PRMT9: variants seen among roughly 807,000 people sequenced by gnomAD.
PRMT9 encodes the protein protein arginine N-methyltransferase 9.
Under a neutral mutation model 83.2 loss-of-function variants are expected in PRMT9, and 59 were observed. That is an observed-to-expected ratio of 0.71 (90% CI 0.57 to 0.88). The LOEUF (loss-of-function observed/expected upper bound fraction) is 0.88, where lower values mean the gene tolerates loss of function less well. Ranked by LOEUF, PRMT9 falls within the 40% of genes least tolerant of loss-of-function variation. PRMT9 has a pLI of 0.00. For synonymous variants in PRMT9, 333 were observed against 353.2 expected (o/e 0.94, Z 0.64); for missense variants, 947 against 1,021.9 (o/e 0.93, Z 1.00).
chr4:147,676,242 C>A (rs1736061731), intron 2 of PRMT9, among the ~76,000 whole-genome samples: 1 of 152,118 alleles, frequency 6.6e-6, no homozygotes, highest in Non-Finnish European at 1.5e-5. Context: ...ATGTAGAGTT[C>A]CACTTTTCTG....
intron 10 of PRMT9, among the ~76,000 whole-genome samples, chr4:147,639,995 C>G (rs1252181709): frequency 6.6e-6 from 1 of 150,802 alleles, no homozygotes; most frequent in African/African-American, 2.4e-5. Context: ...AATCCCCACA[C>G]TGCTGAACCC....
chr4:147,668,430 G>A, intron 6 of PRMT9, 109 bp downstream of exon 6: 1 of 732,638 alleles, frequency 1.4e-6, no homozygotes, highest in African/African-American at 1.7e-5. Flanking sequence ...AGTTTCCTGA[G>A]GCCTCCTCAG....
At chr4:147,651,040 T>A (rs571254644) in intron 9 of PRMT9, among the ~76,000 whole-genome samples, 2 of 152,126 alleles carry the variant, frequency 1.3e-5, no homozygotes, top group African/African-American at 4.8e-5. Context: ...GAGGTGGAGC[T>A]TGCAGTGAGG....
intron 2 of PRMT9, among the ~76,000 whole-genome samples, chr4:147,676,076 G>A (rs567889633): frequency 4.2e-4 from 64 of 152,248 alleles, no homozygotes; most frequent in African/African-American, 1.4e-3. Context: ...ACACTATCCC[G>A]AATTCTGAAC....
At chr4:147,681,597 G>A (rs1736473754) in intron 1 of PRMT9, among the ~76,000 whole-genome samples, 1 of 152,006 alleles carries the variant, frequency 6.6e-6, no homozygotes, top group South Asian at 2.1e-4. Context: ...GACCAGCATG[G>A]CCAACACGGT....
At chr4:147,664,352 A>G (rs1009957128) in intron 6 of PRMT9, among the ~76,000 whole-genome samples, 3 of 152,236 alleles carry the variant, frequency 2.0e-5, no homozygotes, top group African/African-American at 7.2e-5. Context: ...GTTTCAATTT[A>G]GCTGTCCTGT....
At position 147,642,374 on chromosome 4, in the gene PRMT9, GATTGCAGGCACGCAC is replaced by G. The variant is rs559707299; in HGVS notation, c.2199+398_2199+412del. 8.5e-3 allele frequency among the ~76,000 whole-genome samples: 1,290 copies of G among 152,174 alleles called. 20 individuals are homozygous for G. The highest frequency in any genetic ancestry group is 0.029 in the African/African-American group (1,197 of 41,518). On this transcript the variant is annotated intron_variant, in intron 10 of 11. Coordinates refer to ENST00000322396, the MANE Select transcript of PRMT9 (RefSeq NM_138364.4). ...CCACCTCAGTTTCCAGAGGAGCTGG[GATTGCAGGCACGCAC>G]CACCACACCTGGCTAATTTTTTTGT...
chr4:147,673,223 T>G, intron 3 of PRMT9, 97 bp from the exon 4 acceptor site: 1 of 1,092,566 alleles, frequency 9.2e-7, no homozygotes, highest in African/African-American at 1.6e-5. Flanking sequence ...GGTTTTTCCT[T>G]TTATTCTTTA....
chr4:147,679,468 C>G lies in PRMT9; in HGVS notation c.338+855G>C, dbSNP rs375449825. On this transcript the variant is annotated intron_variant, in intron 2 of 11. Transcript: ENST00000322396. ...CTCAAAAAAAAAAAAGTGCTGGAGGCCAGGCGCAGTGGCTCACACCTGTAA... is the reference window on the plus strand; with the variant it reads ...CTCAAAAAAAAAAAAGTGCTGGAGGGCAGGCGCAGTGGCTCACACCTGTAA... 7.9e-5 allele frequency among the ~76,000 whole-genome samples: 12 copies of G among 151,094 alleles called. No homozygotes were observed. The East Asian group carries it at 1.5e-3, about 20-fold the overall frequency.
rs796423597 is a variant in PRMT9, at chr4:147,683,623, C to CT, written c.189+175dup. 2.9e-3 allele frequency among the ~76,000 whole-genome samples: 441 copies of CT among 150,404 alleles called. 5 individuals carry two copies. The highest frequency in any genetic ancestry group is 0.01 in the African/African-American group (412 of 40,944). On this transcript the variant is annotated intron_variant, in intron 1 of 11. Transcript: ENST00000322396. ...CTAGCCCCTCCGCCTTTTTTCTTTT[C>CT]TTTTTTTTTACGAGGACGTTGGATC...
At chr4:147,669,106 T>C (rs1443865784) in intron 5 of PRMT9, among the ~76,000 whole-genome samples, 1 of 151,780 alleles carries the variant, frequency 6.6e-6, no homozygotes, top group Non-Finnish European at 1.5e-5. Flanking sequence ...AAAGTATTTT[T>C]GGCCAGGCCT....
intron 10 of PRMT9, among the ~76,000 whole-genome samples, chr4:147,641,139 CA>C (rs1382818131): frequency 1.3e-5 from 2 of 152,212 alleles, no homozygotes; most frequent in African/African-American, 4.8e-5. Context: ...CTGGTCTCAC[CA>C]GTGTTTTATT....
rs1733178081 is a variant in PRMT9 at position 147,638,762 on chromosome 4, A to G, written c.2323-15T>C. On this transcript the variant is annotated splice_polypyrimidine_tract_variant and intron_variant, in intron 11 of 11. Transcript: ENST00000322396. ...CAAACGTATACCTATGAAAATAAAG[A>G]AATTAGGAAAATATCAGAGTGCATA... 6.4e-7 allele frequency: 1 copy of G among 1,574,306 alleles called. No homozygotes were observed.
At chr4:147,675,276 A>G (rs1234399501) in intron 2 of PRMT9, among the ~76,000 whole-genome samples, 1 of 152,116 alleles carries the variant, frequency 6.6e-6, no homozygotes, top group South Asian at 2.1e-4. Context: ...CACCGTGCCC[A>G]GCTAGAGAAA....
At chr4:147,649,845 G>A (rs1233704948) in intron 9 of PRMT9, among the ~76,000 whole-genome samples, 2 of 152,164 alleles carry the variant, frequency 1.3e-5, no homozygotes, top group Admixed American at 6.5e-5. Context: ...AGGCACAGTG[G>A]CTCACACCTG....
chr4:147,680,446 C>T lies in PRMT9; in HGVS notation c.215G>A (p.Arg72Lys). The change falls in exon 2 of 12, where the codon AGA (arginine) becomes AAA (lysine). Residue 72 changes from arginine to lysine, a missense_variant. By Grantham distance (26) the Arg-to-Lys change is conservative. Transcript: ENST00000322396. ...GAGAGCATCAAGCTCTTCAGCCCAT[C>T]TGAAAAGTGTGTACTGAAAAGTTTC... ...VKETFQYTLF[R>K]WAEELDALSR... 6.2e-7 allele frequency: 1 copy of T among 1,613,972 alleles called. No homozygotes were observed. The highest frequency in any genetic ancestry group is 8.5e-7 in the Non-Finnish European group (1 of 1,179,884).
At chr4:147,648,742 CAGTTT>C (rs1204942976) in intron 9 of PRMT9, among the ~76,000 whole-genome samples, 1 of 152,148 alleles carries the variant, frequency 6.6e-6, no homozygotes, top group Non-Finnish European at 1.5e-5. Flanking sequence ...AAGTGATAAT[CAGTTT>C]AGTTGTCTGT....
At chr4:147,663,403 C>T (rs944639012) in intron 6 of PRMT9, among the ~76,000 whole-genome samples, 2 of 152,078 alleles carry the variant, frequency 1.3e-5, no homozygotes, top group Admixed American at 6.6e-5. Flanking sequence ...CATGCTGTCG[C>T]CCAGGCTGGA....
intron 6 of PRMT9, among the ~76,000 whole-genome samples, chr4:147,665,557 C>T (rs940905637): frequency 5.3e-5 from 8 of 152,108 alleles, no homozygotes; most frequent in Non-Finnish European, 7.3e-5. Context: ...TGAGCACTTC[C>T]TCACTTTCTA....
Sources: allele counts gnomAD v4.1 joint callset (sites outside exome capture counted in the v4.1 genomes callset), GRCh38; gene constraint gnomAD v4.1.1; transcripts MANE v1.5; gene names NCBI Gene and HGNC (gene_info 2026-07-23, HGNC 2026-07-21).